TPH2: variants seen among roughly 807,000 people sequenced by gnomAD.
TPH2 encodes tryptophan hydroxylase 2, also known as tryptophan 5-hydroxylase 2.
In TPH2, 27 loss-of-function variants were observed where a neutral mutation model predicts 59.1. The observed-to-expected ratio is 0.46, with a 90% CI of 0.34 to 0.63. TPH2 has a LOEUF of 0.63. Ranked by LOEUF, TPH2 falls within the 30% of genes least tolerant of loss-of-function variation. The pLI is 0.01. For synonymous variants in TPH2, 220 were observed against 210.5 expected (o/e 1.05, Z -0.39); for missense variants, 523 against 588.3 (o/e 0.89, Z 1.15).
At chr12:72,025,063 C>T (rs1389958574) in intron 9 of TPH2, among the ~76,000 whole-genome samples, 1 of 152,086 alleles carries the variant, frequency 6.6e-6, no homozygotes, top group African/African-American at 2.4e-5. Flanking sequence ...TGTGAAAGTA[C>T]CCAGAGCCCT....
intron 7 of TPH2, among the ~76,000 whole-genome samples, chr12:71,980,999 A>C (rs1872260846): frequency 6.6e-6 from 1 of 152,192 alleles, no homozygotes. Flanking sequence ...ATTAGGAAAT[A>C]GTGTGGTTAG....
chr12:71,956,565 TTCTTTCCCTCCTTCCTTCCC>T (rs1871511104), intron 5 of TPH2, among the ~76,000 whole-genome samples: 2 of 135,972 alleles, frequency 1.5e-5, no homozygotes, highest in Non-Finnish European at 3.2e-5. Flanking sequence ...CCTTCCTTCC[TTCTTTCCCTCCTTCCTTCCC>T]TCTTTCCCTC....
chr12:71,962,649 C>T (rs1871718398), intron 5 of TPH2: 7 of 985,174 alleles, frequency 7.1e-6, no homozygotes, highest in Admixed American at 6.2e-5. Context: ...CTATTTTTTC[C>T]CTAACATTTA....
intron 8 of TPH2, among the ~76,000 whole-genome samples, chr12:72,004,198 G>T: frequency 6.6e-6 from 1 of 150,522 alleles, no homozygotes. Flanking sequence ...GGGTTTGAGT[G>T]TTAGATTTGT....
intron 7 of TPH2, among the ~76,000 whole-genome samples, chr12:71,984,494 G>A (rs1388062410): frequency 6.6e-6 from 1 of 152,082 alleles, no homozygotes; most frequent in African/African-American, 2.4e-5. Flanking sequence ...CTGGGACTTG[G>A]GCCCTGGCTG....
At chr12:72,016,643 G>A (rs976312700) in intron 8 of TPH2, among the ~76,000 whole-genome samples, 3 of 152,052 alleles carry the variant, frequency 2.0e-5, no homozygotes, top group African/African-American at 7.2e-5. Context: ...TATAGTTAAT[G>A]GAATTCTAGA....
At chr12:71,989,948 GGT>G (rs374947174) in intron 7 of TPH2, among the ~76,000 whole-genome samples, 862 of 13,018 alleles carry the variant, frequency 0.066, 2 homozygotes, top group Admixed American at 0.16. Flanking sequence ...ATCAGCTCTT[GGT>G]TTTTTTTTTT....
chr12:72,002,053 A>C (rs1232450547), intron 8 of TPH2, among the ~76,000 whole-genome samples: 6 of 152,194 alleles, frequency 3.9e-5, no homozygotes, highest in South Asian at 2.1e-4. Flanking sequence ...GTAACTTTCA[A>C]AAGTCTCACC....
intron 8 of TPH2, among the ~76,000 whole-genome samples, chr12:72,007,374 A>C (rs1872981963): frequency 6.6e-6 from 1 of 152,198 alleles, no homozygotes; most frequent in Non-Finnish European, 1.5e-5. Flanking sequence ...TAAGCAGATT[A>C]GGAGTGATGC....
chr12:72,002,405 A>G lies in TPH2; in HGVS notation c.1068+7840A>G, dbSNP rs12301107. ...AGACAGACAGAGAAAATGAGAATACACTGTAGTAATCGTAAATTAGAAATT... is the reference window on the plus strand; with the variant it reads ...AGACAGACAGAGAAAATGAGAATACGCTGTAGTAATCGTAAATTAGAAATT... On this transcript the variant is annotated intron_variant, in intron 8 of 10. Transcript: ENST00000333850. 8.4e-3 allele frequency among the ~76,000 whole-genome samples: 1,278 copies of G among 152,198 alleles called. 23 individuals are homozygous for G. The highest frequency in any genetic ancestry group is 0.028 in the African/African-American group (1,164 of 41,504).
intron 5 of TPH2, among the ~76,000 whole-genome samples, chr12:71,967,103 G>A (rs1871838775): frequency 6.6e-6 from 1 of 152,184 alleles, no homozygotes; most frequent in Non-Finnish European, 1.5e-5. Flanking sequence ...TGGGGTATAT[G>A]TCCCTGAATT....
chr12:72,009,223 C>T (rs142179538), intron 8 of TPH2, among the ~76,000 whole-genome samples: 80 of 152,188 alleles, frequency 5.3e-4, no homozygotes, highest in Non-Finnish European at 1.0e-3. Flanking sequence ...CCTGCCTCTA[C>T]TGATTGATTA....
intron 5 of TPH2, among the ~76,000 whole-genome samples, chr12:71,953,858 T>C (rs1871421189): frequency 6.6e-6 from 1 of 152,164 alleles, no homozygotes; most frequent in South Asian, 2.1e-4. Flanking sequence ...AAGTCAAACA[T>C]GTGGTCAGAA....
chr12:71,945,927 A>G (rs1314100959), intron 4 of TPH2, among the ~76,000 whole-genome samples: 1 of 152,214 alleles, frequency 6.6e-6, no homozygotes, highest in Admixed American at 6.5e-5. Context: ...ATTCACATGT[A>G]AGGCTTCTGA....
intron 8 of TPH2, among the ~76,000 whole-genome samples, chr12:72,013,691 C>T (rs1042841214): frequency 6.6e-6 from 1 of 152,076 alleles, no homozygotes; most frequent in Non-Finnish European, 1.5e-5. Flanking sequence ...TCTCTGTATC[C>T]CTATCATGCC....
intron 5 of TPH2, chr12:71,965,059 T>C (rs182689378): frequency 1.3e-5 from 2 of 152,312 alleles, no homozygotes; most frequent in East Asian, 3.9e-4. Context: ...GTTCCTTCAT[T>C]AGTTTGCTAA....
At position 72,031,547 on chromosome 12, in the gene TPH2, C is replaced by G; in HGVS notation, c.1325C>G (p.Pro442Arg). 6.2e-7 allele frequency: 1 copy of G among 1,613,586 alleles called. No individual in the cohort carries two copies. The change falls in exon 11 of 11, where the codon CCC (proline) becomes CGC (arginine). Residue 442 changes from proline to arginine, a missense_variant. By Grantham distance (103) the Pro-to-Arg change is moderately radical (BLOSUM62 -2). Coordinates refer to ENST00000333850, the MANE Select transcript of TPH2 (RefSeq NM_173353.4). The stretch of plus-strand genomic sequence containing the variant: ...GACTTTGCAAAGTCAATTACCCGTC[C>G]CTTCTCAGTATACTTCAATCCCTAC... ...MRDFAKSITR[P>R]FSVYFNPYTQ...
intron 8 of TPH2, among the ~76,000 whole-genome samples, chr12:72,007,819 G>A (rs899414609): frequency 6.8e-6 from 1 of 148,148 alleles, no homozygotes; most frequent in Non-Finnish European, 1.5e-5. Flanking sequence ...CAAGAAAAAA[G>A]CCAACGGTAT....
chr12:71,999,019 G>A (rs1174361273), intron 8 of TPH2, among the ~76,000 whole-genome samples: 1 of 152,162 alleles, frequency 6.6e-6, no homozygotes, highest in African/African-American at 2.4e-5. Flanking sequence ...AAGCAGACAT[G>A]TAATAACTTT....
Sources: allele counts gnomAD v4.1 joint callset (sites outside exome capture counted in the v4.1 genomes callset), GRCh38; gene constraint gnomAD v4.1.1; transcripts MANE v1.5; gene names NCBI Gene and HGNC (gene_info 2026-07-23, HGNC 2026-07-21).